SAMTOR: variants seen among roughly 807,000 people sequenced by gnomAD.
The protein encoded by SAMTOR is UPF0532 protein C7orf60.
the SAMTOR span, among the ~76,000 whole-genome samples, chr7:112,902,439 C>CCA: frequency 4.9e-5 from 4 of 81,460 alleles, no homozygotes; most frequent in Non-Finnish European, 8.6e-5. Flanking sequence ...CAAAAAAAAA[C>CCA]AAAAAAAAAC....
the SAMTOR span, among the ~76,000 whole-genome samples, chr7:112,906,928 A>G: frequency 6.6e-6 from 1 of 152,220 alleles, no homozygotes; most frequent in African/African-American, 2.4e-5. Flanking sequence ...GTTGTTCCCA[A>G]TTTATGAAAA....
At chr7:112,859,706 A>G in the SAMTOR span, among the ~76,000 whole-genome samples, 5 of 152,194 alleles carry the variant, frequency 3.3e-5, no homozygotes, top group Non-Finnish European at 7.3e-5. Context: ...AAGTTTAAAA[A>G]GTAAAAAAAA....
the SAMTOR span, among the ~76,000 whole-genome samples, chr7:112,875,903 T>C: frequency 6.6e-6 from 1 of 152,192 alleles, no homozygotes; most frequent in Non-Finnish European, 1.5e-5. Flanking sequence ...TTCTCCAGAC[T>C]GATTCAGGTT....
chr7:112,847,286 G>A, the SAMTOR span, among the ~76,000 whole-genome samples: 1 of 152,170 alleles, frequency 6.6e-6, no homozygotes. Context: ...TACTCAAATG[G>A]TACAACAGGA....
At chr7:112,904,902 G>C in the SAMTOR span, among the ~76,000 whole-genome samples, 1 of 152,200 alleles carries the variant, frequency 6.6e-6, no homozygotes, top group Non-Finnish European at 1.5e-5. Context: ...TGGGAGGGGT[G>C]TTGGAGGGTG....
the SAMTOR span, among the ~76,000 whole-genome samples, chr7:112,907,842 CTTATTTATTTAT>C: frequency 6.1e-5 from 9 of 146,434 alleles, 1 homozygote; most frequent in South Asian, 1.3e-3. Flanking sequence ...TTCTTACTTA[CTTATTTATTTAT>C]TTATTTATTT....
At chr7:112,853,454 T>G in the SAMTOR span, among the ~76,000 whole-genome samples, 1 of 152,126 alleles carries the variant, frequency 6.6e-6, no homozygotes, top group Non-Finnish European at 1.5e-5. Context: ...GGTTATGTAT[T>G]TTAATAAGGA....
At chr7:112,856,150 A>G in the SAMTOR span, among the ~76,000 whole-genome samples, 1 of 152,200 alleles carries the variant, frequency 6.6e-6, no homozygotes, top group African/African-American at 2.4e-5. Context: ...TTTTGATTGG[A>G]CTGTTACAAA....
the SAMTOR span, among the ~76,000 whole-genome samples, chr7:112,927,593 A>G: frequency 6.6e-6 from 1 of 152,090 alleles, no homozygotes; most frequent in African/African-American, 2.4e-5. Context: ...AAAGTGAGAC[A>G]GAGAGAAAGA....
chr7:112,876,775 C>T, the SAMTOR span, among the ~76,000 whole-genome samples: 1 of 152,164 alleles, frequency 6.6e-6, no homozygotes, highest in Non-Finnish European at 1.5e-5. Flanking sequence ...ATTCAAAGCT[C>T]TTTATTATCT....
chr7:112,850,608 A>G, the SAMTOR span, among the ~76,000 whole-genome samples: 1 of 152,048 alleles, frequency 6.6e-6, no homozygotes. Flanking sequence ...AGGATTTCTG[A>G]TTCTTCCTGG....
the SAMTOR span, among the ~76,000 whole-genome samples, chr7:112,924,601 T>C: frequency 6.6e-6 from 1 of 152,176 alleles, no homozygotes; most frequent in Non-Finnish European, 1.5e-5. Context: ...TGTACTCATA[T>C]ACAAATATTT....
At chr7:112,875,132 C>G in the SAMTOR span, among the ~76,000 whole-genome samples, 47 of 152,294 alleles carry the variant, frequency 3.1e-4, 1 homozygote, top group South Asian at 9.3e-3. Flanking sequence ...CACATCTCAC[C>G]TCATTACCCT....
chr7:112,878,667 A>C, the SAMTOR span, among the ~76,000 whole-genome samples: 1 of 152,198 alleles, frequency 6.6e-6, no homozygotes, highest in Admixed American at 6.5e-5. Context: ...ATGAGCTGGA[A>C]TTTTGCAGGA....
chr7:112,938,524 T>A, the SAMTOR span, among the ~76,000 whole-genome samples: 1 of 152,222 alleles, frequency 6.6e-6, no homozygotes, highest in African/African-American at 2.4e-5. Context: ...TTCACTGCCA[T>A]AATTTTCCTT....
the SAMTOR span, among the ~76,000 whole-genome samples, chr7:112,867,314 G>A: frequency 1.3e-5 from 2 of 152,062 alleles, no homozygotes; most frequent in Admixed American, 1.3e-4. Context: ...AAATTCAATC[G>A]TGTACTCAAT....
At chr7:112,919,671 GA>G in the SAMTOR span, among the ~76,000 whole-genome samples, 354 of 152,074 alleles carry the variant, frequency 2.3e-3, no homozygotes, top group Non-Finnish European at 3.7e-3. Flanking sequence ...CTGGTTTTTT[GA>G]AAGGATCAAC....
At chr7:112,866,517 G>A in the SAMTOR span, among the ~76,000 whole-genome samples, 1 of 152,204 alleles carries the variant, frequency 6.6e-6, no homozygotes, top group African/African-American at 2.4e-5. Context: ...GTGAAACAGG[G>A]AGAGTGAAAA....
chr7:112,832,736 T>G, the SAMTOR span: 2 of 1,095,366 alleles, frequency 1.8e-6, no homozygotes, highest in Non-Finnish European at 2.8e-6. Flanking sequence ...ATCACATAGA[T>G]TATCAGTTCT....
Sources: allele counts gnomAD v4.1 joint callset (sites outside exome capture counted in the v4.1 genomes callset), GRCh38; gene constraint gnomAD v4.1.1; transcripts MANE v1.5; gene names NCBI Gene and HGNC (gene_info 2026-07-23, HGNC 2026-07-21).